GLCE: variants seen among roughly 807,000 people sequenced by gnomAD.
GLCE encodes the protein D-glucuronyl C5-epimerase.
A neutral mutation model predicts 47.9 loss-of-function variants in GLCE; 19 were observed. That is an observed-to-expected ratio of 0.40 (90% CI 0.28 to 0.58). The LOEUF is 0.58. Ranked by LOEUF, GLCE falls within the 20% of genes least tolerant of loss-of-function variation. GLCE has a pLI of 0.48. For missense variants in GLCE, 556 were observed against 743.3 expected (o/e 0.75, Z 2.93); for synonymous variants, 245 against 263.4 (o/e 0.93, Z 0.68).
chr15:69,165,175 A>G (rs1331188679), intron 1 of GLCE, among the ~76,000 whole-genome samples: 2 of 152,188 alleles, frequency 1.3e-5, no homozygotes, highest in Non-Finnish European at 1.5e-5. Context: ...AGATCATCCC[A>G]TCACCCAGGT....
intron 2 of GLCE, among the ~76,000 whole-genome samples, chr15:69,229,244 A>T (rs1184310857): frequency 6.6e-6 from 1 of 152,256 alleles, no homozygotes; most frequent in Admixed American, 6.5e-5. Context: ...TTAAAGAAAT[A>T]AAGCAAAATA....
At chr15:69,265,277 A>G (rs2053069611) in intron 4 of GLCE, among the ~76,000 whole-genome samples, 3 of 152,090 alleles carry the variant, frequency 2.0e-5, no homozygotes, top group South Asian at 4.1e-4. Flanking sequence ...AAAACTTTCT[A>G]TTAGATTTGA....
Position 69,268,348 on chromosome 15 carries a change from A to C in GLCE, c.958A>C (p.Thr320Pro), listed in dbSNP as rs754207820. The C allele has an allele frequency of 6.2e-7, 1 of 1,614,058 alleles. No homozygotes were observed. The highest frequency in any genetic ancestry group is 2.2e-5 in the East Asian group (1 of 44,888). ...GACCACAGAAAAGAATCAGCTCTTCACTATACATTATGTCTCAAATGCTCA... is the reference window on the plus strand; with the variant it reads ...GACCACAGAAAAGAATCAGCTCTTCCCTATACATTATGTCTCAAATGCTCA... ...LETTEKNQLF[T>P]IHYVSNAQLI... is the part of the protein sequence containing the mutation. Residue 320 changes from threonine to proline, a missense_variant, in exon 5 of 5, where the codon ACT (threonine) becomes CCT (proline). Physicochemically the swap from Thr to Pro is conservative, Grantham distance 38 (BLOSUM62 -1). Transcript: ENST00000261858.
intron 2 of GLCE, among the ~76,000 whole-genome samples, chr15:69,228,527 TC>T (rs1212399015): frequency 6.6e-6 from 1 of 151,752 alleles, no homozygotes; most frequent in Non-Finnish European, 1.5e-5. Context: ...CTTGATAAAA[TC>T]AAAAGAAGGC....
intron 1 of GLCE, among the ~76,000 whole-genome samples, chr15:69,193,272 T>C (rs756311492): frequency 6.6e-5 from 10 of 152,174 alleles, no homozygotes; most frequent in Non-Finnish European, 1.3e-4. Context: ...TATCATAGAC[T>C]TGTGCTGCCT....
chr15:69,228,958 G>A (rs573533566), intron 2 of GLCE, among the ~76,000 whole-genome samples: 1 of 152,102 alleles, frequency 6.6e-6, no homozygotes, highest in Non-Finnish European at 1.5e-5. Context: ...AAAGTGCTGG[G>A]ATTATAAATT....
At chr15:69,169,440 T>C (rs1052139821) in intron 1 of GLCE, among the ~76,000 whole-genome samples, 2 of 152,206 alleles carry the variant, frequency 1.3e-5, no homozygotes, top group Non-Finnish European at 2.9e-5. Context: ...CTGGGGTACA[T>C]ATGCACAACG....
At chr15:69,258,295 G>A (rs1281714777) in intron 3 of GLCE, among the ~76,000 whole-genome samples, 2 of 148,152 alleles carry the variant, frequency 1.3e-5, no homozygotes, top group Non-Finnish European at 3.0e-5. Flanking sequence ...ATGGCCCCTC[G>A]CTCCATCCAT....
chr15:69,248,802 A>G (rs2052793728), intron 2 of GLCE, among the ~76,000 whole-genome samples: 1 of 152,072 alleles, frequency 6.6e-6, no homozygotes, highest in Non-Finnish European at 1.5e-5. Context: ...GGATTTCACC[A>G]TGTTGACCAG....
intron 2 of GLCE, among the ~76,000 whole-genome samples, chr15:69,240,232 C>CTAGTAACTGATATATAA (rs1566965608): frequency 5.6e-5 from 1 of 17,920 alleles, no homozygotes; most frequent in Non-Finnish European, 1.9e-4. Context: ...ATCAAACCGC[C>CTAGTAACTGATATATAA]GAGATCCCGC....
rs566900251 is a variant in GLCE at position 69,246,277 on chromosome 15, C to T, written c.-13-9517C>T. On this transcript the variant is annotated intron_variant, in intron 2 of 4. Coordinates refer to ENST00000261858, the MANE Select transcript of GLCE (RefSeq NM_015554.3). ...TCTGTTCATGTTGATATTTTGACCT[C>T]CTCCCATGAGTCATGAATATTCTTA... Among the ~76,000 whole-genome samples the T allele has an allele frequency of 8.5e-5, 13 of 152,280 alleles. No homozygotes were observed. In the Middle Eastern group the frequency reaches 0.01, roughly 120 times the overall value.
intron 2 of GLCE, among the ~76,000 whole-genome samples, chr15:69,245,148 C>T (rs890440507): frequency 2.0e-5 from 3 of 151,952 alleles, no homozygotes; most frequent in East Asian, 1.9e-4. Context: ...GCCTGGCCAA[C>T]GTGGTGAAAC....
At chr15:69,189,502 A>G (rs1399301606) in intron 1 of GLCE, among the ~76,000 whole-genome samples, 1 of 152,170 alleles carries the variant, frequency 6.6e-6, no homozygotes, top group African/African-American at 2.4e-5. Context: ...ACTGCTATAA[A>G]CATAAGGACA....
chr15:69,211,596 T>C (rs1432083488), intron 2 of GLCE, among the ~76,000 whole-genome samples: 3 of 151,864 alleles, frequency 2.0e-5, no homozygotes, highest in Admixed American at 2.0e-4. Flanking sequence ...CTAGAAAGTC[T>C]ATAAAATCTT....
At chr15:69,237,456 A>G (rs1433992974) in intron 2 of GLCE, among the ~76,000 whole-genome samples, 2 of 152,014 alleles carry the variant, frequency 1.3e-5, no homozygotes, top group Non-Finnish European at 2.9e-5. Flanking sequence ...AAATCAGCCA[A>G]GCATGGTGGC....
rs2052866328 is a variant in GLCE at position 69,252,922 on chromosome 15, T to G, written c.-13-2872T>G. ...ATGCAGATGATGAATTATTCTCAGT[T>G]AATAGGGTTAAAAATGTATTATTGG... is the stretch of plus-strand genomic sequence containing the variant. On this transcript the variant is annotated intron_variant, in intron 2 of 4. Transcript: ENST00000261858. Among the ~76,000 whole-genome samples the G allele has an allele frequency of 1.3e-5, 2 of 152,086 alleles. 1 individual carries two copies. Among genetic ancestry groups the G allele is most frequent in the South Asian group, 4.2e-4 (2 of 4,816 alleles).
intron 1 of GLCE, among the ~76,000 whole-genome samples, chr15:69,200,945 A>T (rs2052069290): frequency 1.3e-5 from 2 of 152,028 alleles, no homozygotes; most frequent in South Asian, 4.1e-4. Flanking sequence ...TTGTGGTTGT[A>T]GCATTTGTCT....
intron 2 of GLCE, among the ~76,000 whole-genome samples, chr15:69,213,328 C>T (rs1488297063): frequency 6.6e-6 from 1 of 152,018 alleles, no homozygotes; most frequent in Non-Finnish European, 1.5e-5. Flanking sequence ...TTGTGTTTTT[C>T]CTTAGTCTCC....
At chr15:69,171,709 T>C (rs1188844512) in intron 1 of GLCE, among the ~76,000 whole-genome samples, 1 of 152,162 alleles carries the variant, frequency 6.6e-6, no homozygotes, top group African/African-American at 2.4e-5. Flanking sequence ...GGATAGATTC[T>C]TTTTAAGGCC....
Sources: allele counts gnomAD v4.1 joint callset (sites outside exome capture counted in the v4.1 genomes callset), GRCh38; gene constraint gnomAD v4.1.1; transcripts MANE v1.5; gene names NCBI Gene and HGNC (gene_info 2026-07-23, HGNC 2026-07-21).